The following CAST variants were observed in gnomAD, a reference collection of about 807,000 sequenced individuals.
CAST encodes MIR583 host.
A neutral mutation model predicts 119.6 loss-of-function variants in CAST; 76 were observed. That is an observed-to-expected ratio of 0.64 (90% CI 0.53 to 0.77). CAST has a LOEUF of 0.77. Ranked by LOEUF, CAST falls within the 30% of genes least tolerant of loss-of-function variation. The pLI is 0.00. For missense variants in CAST, 953 were observed against 946.5 expected (o/e 1.01, Z -0.09); for synonymous variants, 319 against 331.6 (o/e 0.96, Z 0.41).
the CAST span, among the ~76,000 whole-genome samples, chr5:96,090,549 A>C: frequency 6.6e-6 from 1 of 152,046 alleles, no homozygotes; most frequent in Non-Finnish European, 1.5e-5. Context: ...ACAGCCATGG[A>C]GCTACCTAGA....
At chr5:96,614,801 G>T (rs961663941) in intron 1 of CAST, among the ~76,000 whole-genome samples, 2 of 152,042 alleles carry the variant, frequency 1.3e-5, no homozygotes, top group African/African-American at 4.8e-5. Context: ...CCATCATCTT[G>T]TACTGCTCCC....
the CAST span, among the ~76,000 whole-genome samples, chr5:96,187,235 T>C: frequency 4.9e-4 from 75 of 152,228 alleles, no homozygotes; most frequent in Middle Eastern, 3.4e-3. Flanking sequence ...TTGATTCTTC[T>C]CTCTTTTCTT....
At chr5:96,397,498 T>C in the CAST span, 1 of 1,598,262 alleles carries the variant, frequency 6.3e-7, no homozygotes. Flanking sequence ...TTAATGAATG[T>C]CCTAATAGCT....
At chr5:96,063,526 A>T in the CAST span, among the ~76,000 whole-genome samples, 1 of 152,290 alleles carries the variant, frequency 6.6e-6, no homozygotes, top group African/African-American at 2.4e-5. Flanking sequence ...TTCCCTCCTG[A>T]AAATATTCAT....
At chr5:96,346,104 A>G in the CAST span, among the ~76,000 whole-genome samples, 20 of 152,296 alleles carry the variant, frequency 1.3e-4, no homozygotes, top group Non-Finnish European at 2.6e-4. Flanking sequence ...CAGTAGGCTA[A>G]CATCCTCCGA....
chr5:95,961,472 C>T, the CAST span: 7 of 1,314,586 alleles, frequency 5.3e-6, no homozygotes, highest in South Asian at 1.2e-4. Context: ...CTGACGGTAG[C>T]AGCTGCCAGC....
chr5:96,747,026 G>A (rs1581244495), intron 17 of CAST, among the ~76,000 whole-genome samples: 1 of 152,180 alleles, frequency 6.6e-6, no homozygotes, highest in East Asian at 1.9e-4. Context: ...GAGAATTGGG[G>A]TTTTTTAAAA....
chr5:96,658,981 A>C (rs376775629), upstream of CAST, among the ~76,000 whole-genome samples: 39 of 152,238 alleles, frequency 2.6e-4, no homozygotes, highest in South Asian at 7.5e-3. Context: ...TCTGTTTTTT[A>C]TTTCTTTATA....
At chr5:96,376,720 G>T in the CAST span, among the ~76,000 whole-genome samples, 2 of 152,152 alleles carry the variant, frequency 1.3e-5, no homozygotes, top group Non-Finnish European at 2.9e-5. Flanking sequence ...GACTGCAGAA[G>T]TTTGCCACCA....
At chr5:95,987,449 G>A in the CAST span, among the ~76,000 whole-genome samples, 3 of 152,122 alleles carry the variant, frequency 2.0e-5, no homozygotes, top group Non-Finnish European at 2.9e-5. Flanking sequence ...AGATATGCAC[G>A]TGCCTAGGCG....
At chr5:95,980,885 A>G in the CAST span, among the ~76,000 whole-genome samples, 2 of 152,116 alleles carry the variant, frequency 1.3e-5, no homozygotes, top group African/African-American at 4.8e-5. Flanking sequence ...GATCAGAGGC[A>G]GGTAAGAGAC....
At chr5:96,327,575 A>G in the CAST span, among the ~76,000 whole-genome samples, 1 of 152,194 alleles carries the variant, frequency 6.6e-6, no homozygotes, top group African/African-American at 2.4e-5. Flanking sequence ...GACCCCCAAC[A>G]CTCAGTGGAA....
At chr5:96,394,020 G>C in the CAST span, among the ~76,000 whole-genome samples, 1 of 152,188 alleles carries the variant, frequency 6.6e-6, no homozygotes, top group South Asian at 2.1e-4. Context: ...TCAGGTCCTG[G>C]AGGGAAGCTG....
the CAST span, among the ~76,000 whole-genome samples, chr5:96,047,466 G>C: frequency 6.6e-5 from 10 of 152,106 alleles, no homozygotes; most frequent in Admixed American, 6.6e-4. Context: ...AAGCCCAATA[G>C]TTGTACTTCA....
the CAST span, among the ~76,000 whole-genome samples, chr5:96,454,154 T>A: frequency 6.6e-6 from 1 of 152,238 alleles, no homozygotes; most frequent in African/African-American, 2.4e-5. Context: ...CTATGTGTTG[T>A]TCTTAAAACT....
the CAST span, among the ~76,000 whole-genome samples, chr5:96,479,450 C>CTTTT: frequency 2.1e-4 from 24 of 115,294 alleles, 4 homozygotes; most frequent in Admixed American, 7.8e-4. Flanking sequence ...CCAGGCACTC[C>CTTTT]TTATTTTTTT....
chr5:96,661,920 G>C (rs1252770259), upstream of CAST, among the ~76,000 whole-genome samples: 1 of 152,234 alleles, frequency 6.6e-6, no homozygotes, highest in East Asian at 1.9e-4. Context: ...GACTGTCCAG[G>C]CTTGGGCCAG....
chr5:96,257,670 CA>C, the CAST span, among the ~76,000 whole-genome samples: 1 of 152,214 alleles, frequency 6.6e-6, no homozygotes, highest in African/African-American at 2.4e-5. Context: ...ACATTCTGCA[CA>C]GCAGCAATTT....
At chr5:96,531,292 T>C (rs996805351) in intron 1 of CAST, among the ~76,000 whole-genome samples, 1 of 152,132 alleles carries the variant, frequency 6.6e-6, no homozygotes, top group Non-Finnish European at 1.5e-5. Context: ...TGTGCAGCCC[T>C]GGAGCAGTCC....
Sources: allele counts gnomAD v4.1 joint callset (sites outside exome capture counted in the v4.1 genomes callset), GRCh38; gene constraint gnomAD v4.1.1; transcripts MANE v1.5; gene names NCBI Gene and HGNC (gene_info 2026-07-23, HGNC 2026-07-21).